FN3K: variants seen among roughly 807,000 people sequenced by gnomAD.
The protein encoded by FN3K is fructosamine 3 kinase.
Under a neutral mutation model 24.8 loss-of-function variants are expected in FN3K, and 24 were observed. The ratio of observed to expected loss-of-function variants is 0.97; its 90% CI spans 0.70 to 1.36. The LOEUF (loss-of-function observed/expected upper bound fraction) is 1.36, where lower values mean the gene tolerates loss of function less well. FN3K is among the 40% of genes most tolerant of loss of function. FN3K has a pLI of 0.00. For synonymous variants in FN3K, 192 were observed against 175.2 expected (o/e 1.10, Z -0.76); for missense variants, 449 against 416.7 (o/e 1.08, Z -0.67).
Position 82,738,507 on chromosome 17 carries a change from G to A in FN3K, c.160G>A (p.Gly54Arg). The change falls in exon 2 of 6, where the codon GGG becomes AGG. Residue 54 changes from glycine to arginine, a missense_variant. Gly to Arg is a moderately radical substitution (Grantham distance 125). Coordinates refer to ENST00000300784, the MANE Select transcript of FN3K (RefSeq NM_022158.4). ...RRTQARQMFEGEVASLEALRS... is the reference protein window; with the variant it reads ...RRTQARQMFEREVASLEALRS... ...GATGCAGGCCCGGCAGATGTTTGAG[G>A]GGGAGGTGGCCAGCCTGGAGGCCCT... 1 of 1,612,474 alleles carries A rather than the reference G, an allele frequency of 6.2e-7. No individual in the cohort carries two copies. The highest frequency in any genetic ancestry group is 1.7e-5 in the Admixed American group (1 of 60,016).
chr17:82,738,461 G>T (rs762817203), intron 1 of FN3K, 28 bp from the exon 2 acceptor site: 4 of 1,611,600 alleles, frequency 2.5e-6, no homozygotes, highest in African/African-American at 1.3e-5. Context: ...GAGTCAACAA[G>T]GCTGACAAGG....
chr17:82,737,518 T>G (rs1009224288), intron 1 of FN3K, among the ~76,000 whole-genome samples: 13 of 152,138 alleles, frequency 8.5e-5, no homozygotes, highest in African/African-American at 3.1e-4. Context: ...GAGACGAGGT[T>G]TCACCGTGTT....
At position 82,746,010 on chromosome 17, in the gene FN3K, C is replaced by G. The variant is rs1055368211; in HGVS notation, c.469-2845C>G. 2.0e-5 allele frequency among the ~76,000 whole-genome samples: 3 copies of G among 147,318 alleles called. No homozygotes were observed. In the East Asian group the frequency reaches 6.2e-4, roughly 31 times the overall value. On this transcript the variant is annotated intron_variant, in intron 4 of 5. Coordinates refer to ENST00000300784, the MANE Select transcript of FN3K (RefSeq NM_022158.4). The stretch of plus-strand genomic sequence containing the variant: ...TTGGGAGGCTGAGGCAGGAGAATGG[C>G]GTGAACTCGGGAGGTGGAGCTTGCA...
At chr17:82,744,631 A>T (rs1199665509) in intron 4 of FN3K, among the ~76,000 whole-genome samples, 1 of 133,998 alleles carries the variant, frequency 7.5e-6, no homozygotes, top group Non-Finnish European at 1.6e-5. Flanking sequence ...TATAGAGAGA[A>T]ATAAGGGGAC....
chr17:82,745,587 A>G (rs568501097), intron 4 of FN3K: 3 of 152,388 alleles, frequency 2.0e-5, no homozygotes, highest in Admixed American at 2.0e-4. Context: ...GCATGTGTCA[A>G]AAGCCCATTC....
At chr17:82,744,555 C>T (rs2046957779) in intron 4 of FN3K, among the ~76,000 whole-genome samples, 1 of 152,184 alleles carries the variant, frequency 6.6e-6, no homozygotes, top group Non-Finnish European at 1.5e-5. Context: ...TGCCCCTCCA[C>T]ACCTGTGGGT....
intron 2 of FN3K, among the ~76,000 whole-genome samples, chr17:82,739,617 C>T (rs925648259): frequency 1.3e-5 from 2 of 152,042 alleles, no homozygotes; most frequent in Non-Finnish European, 2.9e-5. Flanking sequence ...GCCACCATGC[C>T]CGGCTAATTT....
intron 3 of FN3K, 90 bp from the exon 4 acceptor site, chr17:82,741,221 G>GT: frequency 8.4e-7 from 1 of 1,186,024 alleles, no homozygotes; most frequent in East Asian, 2.5e-5. Context: ...TCTAGCATGC[G>GT]TAGCCCAGGC....
chr17:82,736,491 G>C (rs1310510295), intron 1 of FN3K: 1 of 152,472 alleles, frequency 6.6e-6, no homozygotes, highest in African/African-American at 2.4e-5. Context: ...AGCCAAGATC[G>C]CGCCATTGCA....
intron 4 of FN3K, among the ~76,000 whole-genome samples, chr17:82,744,233 G>A (rs139091322): frequency 3.0e-3 from 451 of 152,282 alleles, no homozygotes; most frequent in African/African-American, 9.2e-3. Context: ...GGTCCTCCCC[G>A]AAGGAGTTTT....
intron 1 of FN3K, 167 bp downstream of exon 1, chr17:82,735,944 G>A (rs886442915): frequency 1.0e-5 from 9 of 875,150 alleles, no homozygotes; most frequent in East Asian, 2.8e-5. Flanking sequence ...GTTCTGTGAA[G>A]GTTTGTGTCT....
rs766567126 is a variant in FN3K, at chr17:82,738,646, T to C, written c.293+6T>C. 18 of 1,613,390 alleles carry C rather than the reference T, an allele frequency of 1.1e-5. No homozygotes were observed. The East Asian group carries it at 2.9e-4, about 26-fold the overall frequency. ...AAGATGAAGAGCTTGAGCAGGTGAG[T>C]GTGTGTGAGACCCATATGCGCACAT... is the stretch of plus-strand genomic sequence containing the variant. On this transcript the variant is annotated splice_donor_region_variant and intron_variant, in intron 2 of 5. Transcript: ENST00000300784.
intron 4 of FN3K, 25 bp downstream of exon 4, chr17:82,741,418 C>T (rs2046940850): frequency 1.3e-6 from 2 of 1,600,004 alleles, no homozygotes; most frequent in Non-Finnish European, 8.5e-7. Context: ...GAGGGTGTTC[C>T]CTGATGCCCT....
Position 82,749,920 on chromosome 17 carries a change from T to C in FN3K, c.592-497T>C, listed in dbSNP as rs541970843. On this transcript the variant is annotated intron_variant, in intron 5 of 5. Transcript: ENST00000300784. ...TAAAAATACAAAAATTAGCCGGGTG[T>C]AGTGGCGGGTGCCTGTAATCCCAGC... 33 of 177,324 alleles carry C rather than the reference T, an allele frequency of 1.9e-4. No individual in the cohort carries two copies. In the South Asian group the frequency reaches 3.9e-3, roughly 21 times the overall value. 11.0% of individuals were successfully genotyped at this position (177,324 alleles called of 1,614,324 possible). A position where few individuals can be genotyped will look rare whatever the true frequency, so the allele number is the denominator to read the frequency against.
chr17:82,745,774 A>T (rs1385196126), intron 4 of FN3K: 3 of 152,168 alleles, frequency 2.0e-5, no homozygotes, highest in African/African-American at 7.2e-5. Flanking sequence ...TGACTGTGTC[A>T]TATGGTAGGT....
intron 4 of FN3K, among the ~76,000 whole-genome samples, chr17:82,744,840 T>A (rs1174677955): frequency 6.6e-6 from 1 of 152,316 alleles, no homozygotes; most frequent in East Asian, 1.9e-4. Flanking sequence ...GTGCTGTGCT[T>A]TTAGATATGC....
chr17:82,750,833 TGCCCCCGTCCCTGTC>T lies in FN3K; in HGVS notation c.*79_*93del. 1 of 1,011,880 alleles carries T rather than the reference TGCCCCCGTCCCTGTC, an allele frequency of 9.9e-7. No homozygotes were observed. The highest frequency in any genetic ancestry group is 3.3e-5 in the East Asian group (1 of 30,690). The allele number at this position is 1,011,880 out of a possible 1,614,324, so 62.7% of individuals were successfully genotyped here. On this transcript the variant is annotated 3_prime_UTR_variant, in exon 6 of 6. Transcript: ENST00000300784. ...CCTGTCCCCCCGTCCCCCGTCCCTG[TGCCCCCGTCCCTGTC>T]CCCCTGTTCCCGTCTCCCCGTCCCT...
intron 1 of FN3K, chr17:82,736,351 A>G (rs1598339602): frequency 7.6e-6 from 1 of 131,652 alleles, no homozygotes; most frequent in South Asian, 2.7e-4. Flanking sequence ...CCTGGCCAAC[A>G]TGGTGAAACC....
chr17:82,738,726 A>G, intron 2 of FN3K, 86 bp downstream of exon 2: 1 of 1,533,676 alleles, frequency 6.5e-7, no homozygotes, highest in Non-Finnish European at 9.0e-7. Context: ...AGAAAGGGAT[A>G]GAGATGGGGA....
Sources: allele counts gnomAD v4.1 joint callset (sites outside exome capture counted in the v4.1 genomes callset), GRCh38; gene constraint gnomAD v4.1.1; transcripts MANE v1.5; gene names NCBI Gene and HGNC (gene_info 2026-07-23, HGNC 2026-07-21).